RHCG: variants seen among roughly 807,000 people sequenced by gnomAD.
The protein encoded by RHCG is Rh family C glycoprotein, also known as ammonium transporter Rh type C.
In RHCG, 39 loss-of-function variants were observed where a neutral mutation model predicts 55.3. The ratio of observed to expected loss-of-function variants is 0.70; its 90% CI spans 0.55 to 0.92. The LOEUF (loss-of-function observed/expected upper bound fraction) is 0.92. Ranked by LOEUF, RHCG falls within the 40% of genes least tolerant of loss-of-function variation. The pLI is 0.00. For missense variants in RHCG, 635 were observed against 627.9 expected (o/e 1.01, Z -0.12); for synonymous variants, 250 against 246.8 (o/e 1.01, Z -0.12).
intron 1 of RHCG, among the ~76,000 whole-genome samples, chr15:89,495,652 C>T (rs985465962): frequency 6.6e-6 from 1 of 152,196 alleles, no homozygotes; most frequent in Non-Finnish European, 1.5e-5. Flanking sequence ...CCCACCCCAA[C>T]TCTGCCAGAG....
At chr15:89,472,306 A>G (rs1961052980) in intron 10 of RHCG, among the ~76,000 whole-genome samples, 1 of 152,116 alleles carries the variant, frequency 6.6e-6, no homozygotes, top group South Asian at 2.1e-4. Context: ...GAAAGAGGGG[A>G]GGGTGGGTCT....
chr15:89,484,860 C>A (rs1367306177), intron 2 of RHCG, among the ~76,000 whole-genome samples: 1 of 151,794 alleles, frequency 6.6e-6, no homozygotes, highest in South Asian at 2.1e-4. Context: ...GATGGAGATC[C>A]AGATGCCACA....
At chr15:89,487,028 G>C in intron 1 of RHCG, 43 bp from the exon 2 acceptor site, 2 of 1,505,946 alleles carry the variant, frequency 1.3e-6, no homozygotes, top group Non-Finnish European at 1.8e-6. Context: ...TCTGGCGAAG[G>C]TTCGTCCCAG....
chr15:89,475,060 TCCTG>T (rs1961117959), intron 9 of RHCG, among the ~76,000 whole-genome samples: 1 of 142,836 alleles, frequency 7.0e-6, no homozygotes, highest in African/African-American at 2.7e-5. Context: ...CTTCCTTCCT[TCCTG>T]CCTGCCTTCC....
intron 9 of RHCG, among the ~76,000 whole-genome samples, chr15:89,474,600 A>G (rs918806737): frequency 6.6e-6 from 1 of 152,224 alleles, no homozygotes; most frequent in Non-Finnish European, 1.5e-5. Flanking sequence ...AGATTGTGGC[A>G]TGTTTTTAAG....
rs1961188550 is a variant in RHCG, at chr15:89,477,977, G to GGGCAGGGCA, written c.838-12_838-4dup. 1.2e-6 allele frequency: 2 copies of GGGCAGGGCA among 1,602,910 alleles called. No homozygotes were observed. The highest frequency in any genetic ancestry group is 1.3e-5 in the African/African-American group (1 of 74,802). On this transcript the variant is annotated splice_region_variant and splice_polypyrimidine_tract_variant and intron_variant, in intron 5 of 10. Transcript: ENST00000268122. This position sits in a 1 kb window ranked among gnomAD's most constrained non-coding sequence, Gnocchi z 4.5. ...AGCGTGGCATTCTGGATGTGCACCT[G>GGGCAGGGCA]GGCAGGGCAGGCAGAGCAGGCAGGA...
chr15:89,496,234 C>T (rs527815749), intron 1 of RHCG, 127 bp downstream of exon 1: 5 of 901,758 alleles, frequency 5.5e-6, no homozygotes, highest in African/African-American at 3.3e-5. Flanking sequence ...CTGCAGAGGC[C>T]GGCGAGATGC....
rs370442445 is a variant in RHCG at position 89,476,846 on chromosome 15, T to C, written c.1238-18A>G. ...AATGAGCCCTACAGAAAGTTGGAGATTACAGGATGTCAGGAAGTGCCTTCT... is the reference window on the plus strand; with the variant it reads ...AATGAGCCCTACAGAAAGTTGGAGACTACAGGATGTCAGGAAGTGCCTTCT... On this transcript the variant is annotated intron_variant, in intron 8 of 10. Transcript: ENST00000268122. The C allele has an allele frequency of 6.2e-7, 1 of 1,609,270 alleles. No individual in the cohort carries two copies. Among genetic ancestry groups the C allele is most frequent in the African/African-American group, 1.3e-5 (1 of 74,808 alleles).
rs563452263 is a variant in RHCG at position 89,472,820 on chromosome 15, G to A, written c.1355C>T (p.Thr452Ile). 2.3e-5 allele frequency: 36 copies of A among 1,549,906 alleles called. 2 individuals carry two copies. The South Asian group carries it at 3.6e-4, about 15-fold the overall frequency. ...TACTGAGGGTCCTGAGGGCTTGAAGGTGGGGTCCTCAGGGATGTAGACAGT... is the reference window on the plus strand; with the variant it reads ...TACTGAGGGTCCTGAGGGCTTGAAGATGGGGTCCTCAGGGATGTAGACAGT... ...NSTVYIPEDP[T>I]FKPSGPSVPS... is the part of the protein sequence containing the mutation. Residue 452 changes from threonine to isoleucine, a missense_variant, in exon 10 of 11, where the codon ACC becomes ATC. Transcript: ENST00000268122.
intron 3 of RHCG, among the ~76,000 whole-genome samples, chr15:89,480,711 G>C (rs1264107423): frequency 6.6e-6 from 1 of 152,222 alleles, no homozygotes; most frequent in Non-Finnish European, 1.5e-5. Flanking sequence ...AGGCAGAACT[G>C]AGGGAAACAA....
intron 3 of RHCG, among the ~76,000 whole-genome samples, chr15:89,482,032 C>G (rs1292763891): frequency 1.3e-5 from 2 of 152,226 alleles, no homozygotes; most frequent in Admixed American, 1.3e-4. Context: ...GAACTCCTGA[C>G]TTCAGGTGAT....
rs1175748985 is a variant in RHCG, at chr15:89,477,033, G to T, written c.1237+49C>A. 1 of 1,611,752 alleles carries T rather than the reference G, an allele frequency of 6.2e-7. No individual in the cohort carries two copies. Among genetic ancestry groups the T allele is most frequent in the South Asian group, 1.1e-5 (1 of 90,866 alleles). ...CATGCCCTTTGCTTCTCCACCCAGG[G>T]AGCCCCACAGCAGCACCCCCCTTCT... On this transcript the variant is annotated intron_variant, in intron 8 of 10. Coordinates refer to ENST00000268122, the MANE Select transcript of RHCG (RefSeq NM_016321.3). The surrounding 1 kb of genome is among the most constrained non-coding windows in gnomAD (Gnocchi z 4.5).
Position 89,496,420 on chromosome 15 carries a change from G to T in RHCG, c.125C>A (p.Ser42Ter). The change falls in exon 1 of 11, where the codon TCA becomes TAA. Residue 42 changes from serine to a stop codon, truncating the protein, a stop_gained. Coordinates refer to ENST00000268122, the MANE Select transcript of RHCG (RefSeq NM_016321.3). LOFTEE classifies it high-confidence loss of function. ...GCTCAAGTTCTTGTGCGTCCTCTCTGACCACCAGTGGGCGTCGGCCTCGAA... is the reference window on the plus strand; with the variant it reads ...GCTCAAGTTCTTGTGCGTCCTCTCTTACCACCAGTGGGCGTCGGCCTCGAA... ...YDFEADAHWWSERTHKNLSDM... is the reference protein window; with the variant it reads ...YDFEADAHWW 6.2e-7 allele frequency: 1 copy of T among 1,614,058 alleles called. No individual in the cohort carries two copies. The highest frequency in any genetic ancestry group is 8.5e-7 in the Non-Finnish European group (1 of 1,179,990).
In RHCG at chr15:89,483,096, T is replaced by G; in HGVS notation, c.493A>C (p.Asn165His). The G allele has an allele frequency of 6.2e-7, 1 of 1,603,822 alleles. No individual in the cohort carries two copies. Among genetic ancestry groups the G allele is most frequent in the Non-Finnish European group, 8.5e-7 (1 of 1,171,492 alleles). ...AGCAGGTTAAGGAGAATGAACTCAT[T>G]CACAGCGAAGAGGGTCACTTGGAAG... ...TFFQVTLFAV[N>H]EFILLNLLKV... The change falls in exon 3 of 11, where the codon AAT becomes CAT. Residue 165 changes from asparagine to histidine, a missense_variant. Transcript: ENST00000268122.
intron 1 of RHCG, among the ~76,000 whole-genome samples, chr15:89,492,536 T>G (rs1054697249): frequency 2.0e-5 from 3 of 152,064 alleles, no homozygotes; most frequent in Non-Finnish European, 4.4e-5. Context: ...CCTGGGGAGA[T>G]GGTCAGGGGG....
intron 1 of RHCG, among the ~76,000 whole-genome samples, chr15:89,493,955 C>T (rs1289347514): frequency 1.3e-5 from 2 of 152,100 alleles, no homozygotes; most frequent in African/African-American, 4.8e-5. Context: ...CTACTTCTTG[C>T]CAAGATTCTT....
chr15:89,489,489 A>C (rs1004862071), intron 1 of RHCG, among the ~76,000 whole-genome samples: 1 of 152,160 alleles, frequency 6.6e-6, no homozygotes, highest in Admixed American at 6.5e-5. Flanking sequence ...ATTATTTCCA[A>C]GTAAACAGTC....
In RHCG at chr15:89,477,346, CCTCTAAAA is replaced by C. The variant is rs1010719557; in HGVS notation, c.1113-148_1113-141del. ...TGGGGACACCGGACATATCAGTTGG[CCTCTAAAA>C]CTCTAAGGGACAGAGTTTGGGGAGA... is the stretch of plus-strand genomic sequence containing the variant. On this transcript the variant is annotated intron_variant, in intron 7 of 10. Transcript: ENST00000268122. This position sits in a 1 kb window ranked among gnomAD's most constrained non-coding sequence, Gnocchi z 4.5. 9.9e-6 allele frequency: 14 copies of C among 1,409,320 alleles called. No individual in the cohort carries two copies. In the African/African-American group the frequency reaches 2.0e-4, roughly 20 times the overall value. 87.3% of individuals were successfully genotyped at this position (1,409,320 alleles called of 1,614,324 possible).
At position 89,483,080 on chromosome 15, in the gene RHCG, A is replaced by T. The variant is rs1375980520; in HGVS notation, c.509T>A (p.Leu170His). 9 of 1,596,836 alleles carry T rather than the reference A, an allele frequency of 5.6e-6. No individual in the cohort carries two copies. The highest frequency in any genetic ancestry group is 7.7e-6 in the Non-Finnish European group (9 of 1,165,850). The change falls in exon 3 of 11, where the codon CTT becomes CAT. Residue 170 changes from leucine to histidine, a missense_variant. By Grantham distance (99) the Leu-to-His change is moderately conservative. Transcript: ENST00000268122. Reference sequence around the variant, plus strand: ...AGCCCTGCTCACCTTTAGCAGGTTAAGGAGAATGAACTCATTCACAGCGAA... The same window carrying T: ...AGCCCTGCTCACCTTTAGCAGGTTATGGAGAATGAACTCATTCACAGCGAA... ...TLFAVNEFIL[L>H]NLLKVKDAGG...
Sources: allele counts gnomAD v4.1 joint callset (sites outside exome capture counted in the v4.1 genomes callset), GRCh38; gene constraint gnomAD v4.1.1; non-coding constraint Gnocchi (gnomAD v3.1); transcripts MANE v1.5; gene names NCBI Gene and HGNC (gene_info 2026-07-23, HGNC 2026-07-21).